TMEM272: variants seen among roughly 807,000 people sequenced by gnomAD.
TMEM272 encodes transmembrane protein 272.
In TMEM272, 8 loss-of-function variants were observed where a neutral mutation model predicts 3.7. The ratio of observed to expected loss-of-function variants is 2.17; its 90% CI spans 1.27 to 3.91. The LOEUF is 3.91. Ranked by LOEUF, TMEM272 falls within the 30% of genes most tolerant of loss-of-function variation. The pLI is 0.00. For missense variants in TMEM272, 166 were observed against 91.5 expected, an observed-to-expected ratio of 1.81 and a Z score of -3.32; for synonymous variants, 63 against 39.8, an observed-to-expected ratio of 1.58 and a Z score of -2.20.
At chr13:51,900,149 T>C in the TMEM272 span, among the ~76,000 whole-genome samples, 1 of 152,190 alleles carries the variant, frequency 6.6e-6, no homozygotes, top group Non-Finnish European at 1.5e-5. Context: ...TAAATCGGAC[T>C]TCTTCAAAAT....
chr13:51,886,822 C>T, the TMEM272 span, among the ~76,000 whole-genome samples: 6 of 152,256 alleles, frequency 3.9e-5, no homozygotes, highest in African/African-American at 1.4e-4. Flanking sequence ...CTAAACAATG[C>T]TGAGACCAAG....
chr13:51,880,488 T>C, the TMEM272 span, among the ~76,000 whole-genome samples: 1 of 16,624 alleles, frequency 6.0e-5, no homozygotes, highest in African/African-American at 1.9e-4. Flanking sequence ...TGATGAAACA[T>C]ACAGGGAATT....
the TMEM272 span, among the ~76,000 whole-genome samples, chr13:51,852,391 T>C: frequency 6.6e-6 from 1 of 152,180 alleles, no homozygotes; most frequent in Non-Finnish European, 1.5e-5. Flanking sequence ...GCACTGTGGA[T>C]ATAGCAGTGA....
At chr13:51,899,532 T>C in the TMEM272 span, among the ~76,000 whole-genome samples, 1 of 80,496 alleles carries the variant, frequency 1.2e-5, no homozygotes, top group Non-Finnish European at 2.8e-5. Context: ...ACATGCCATG[T>C]TCATGAATCA....
chr13:51,816,895 C>G lies in TMEM272; in HGVS notation c.420G>C (p.Gln140His). Residue 140 changes from glutamine to histidine, a missense_variant, in exon 5 of 5, where the codon CAG (glutamine) becomes CAC (histidine). By Grantham distance (24) the Gln-to-His change is conservative. Transcript: ENST00000629372. ...YLPDFLPPFQQPQDYCDKTLY... is the reference protein window; with the variant it reads ...YLPDFLPPFQHPQDYCDKTLY... ...GGGTTTTGTCACAGTAGTCCTGAGG[C>G]TGCTGGAAAGGGGGAAGAAAATCAG... is the stretch of plus-strand genomic sequence containing the variant. 1.4e-6 allele frequency: 1 copy of G among 702,966 alleles called. No individual in the cohort carries two copies. The highest frequency in any genetic ancestry group is 2.6e-6 in the Non-Finnish European group (1 of 384,990). The allele number at this position is 702,966 out of a possible 1,614,324, so 43.5% of individuals were successfully genotyped here.
chr13:51,890,165 C>T, the TMEM272 span, among the ~76,000 whole-genome samples: 1 of 152,052 alleles, frequency 6.6e-6, no homozygotes, highest in Non-Finnish European at 1.5e-5. Flanking sequence ...TACAGTTGTT[C>T]AATGGAAACA....
chr13:51,903,969 G>GTGTGTGTGTGTGTGTGTGTGTGTGTT, the TMEM272 span, among the ~76,000 whole-genome samples: 1 of 151,814 alleles, frequency 6.6e-6, no homozygotes, highest in Non-Finnish European at 1.5e-5. Flanking sequence ...GTGTGTGTGT[G>GTGTGTGTGTGTGTGTGTGTGTGTGTT]TGTTTAGAAA....
chr13:51,874,812 T>C, the TMEM272 span, among the ~76,000 whole-genome samples: 1 of 152,166 alleles, frequency 6.6e-6, no homozygotes, highest in Non-Finnish European at 1.5e-5. Context: ...AAGCGCTGGT[T>C]TTGCTCGTGT....
chr13:51,890,005 G>A, the TMEM272 span, among the ~76,000 whole-genome samples: 1 of 152,088 alleles, frequency 6.6e-6, no homozygotes. Flanking sequence ...GTGCATGGAG[G>A]GGCTTCCCAG....
At chr13:51,821,689 C>A (rs7400030) in intron 4 of TMEM272, among the ~76,000 whole-genome samples, 47 of 131,138 alleles carry the variant, frequency 3.6e-4, no homozygotes, top group South Asian at 4.8e-4. Context: ...AAAAAAAAAG[C>A]AAAAAAAAAA....
chr13:51,866,961 A>G, the TMEM272 span, among the ~76,000 whole-genome samples: 1 of 152,228 alleles, frequency 6.6e-6, no homozygotes, highest in South Asian at 2.1e-4. Flanking sequence ...ATGAATGTAC[A>G]TGAATGTGGT....
At chr13:51,888,234 C>T in the TMEM272 span, among the ~76,000 whole-genome samples, 6 of 152,008 alleles carry the variant, frequency 3.9e-5, no homozygotes, top group African/African-American at 9.7e-5. Context: ...TTAGTAGTGA[C>T]GGTGTTTCAC....
chr13:51,911,115 T>C, the TMEM272 span, among the ~76,000 whole-genome samples: 1 of 152,214 alleles, frequency 6.6e-6, no homozygotes, highest in Admixed American at 6.5e-5. Flanking sequence ...CTTTGGTGTT[T>C]CAGTATCTGT....
At chr13:51,863,113 G>A in the TMEM272 span, among the ~76,000 whole-genome samples, 1 of 152,264 alleles carries the variant, frequency 6.6e-6, no homozygotes, top group Non-Finnish European at 1.5e-5. Context: ...GGGGCTCTCA[G>A]TAGAGGATGC....
At chr13:51,929,193 C>T in the TMEM272 span, among the ~76,000 whole-genome samples, 1 of 150,916 alleles carries the variant, frequency 6.6e-6, no homozygotes, top group African/African-American at 2.4e-5. Context: ...GAGACTCCAT[C>T]TCAAAAAAAA....
the TMEM272 span, chr13:51,933,158 G>A: frequency 6.6e-6 from 1 of 152,200 alleles, no homozygotes; most frequent in Non-Finnish European, 1.5e-5. Flanking sequence ...TGTTCTTCCA[G>A]GAGGCAAGGA....
At chr13:51,909,736 T>A in the TMEM272 span, 1 of 1,552,098 alleles carries the variant, frequency 6.4e-7, no homozygotes, top group African/African-American at 1.4e-5. Flanking sequence ...AATTCACTGT[T>A]CATTTCTAAT....
the TMEM272 span, chr13:51,908,915 C>A: frequency 4.2e-4 from 590 of 1,395,020 alleles, no homozygotes; most frequent in East Asian, 5.2e-3. Context: ...CTCCTCTTTC[C>A]TTGGTAATCT....
At chr13:51,866,256 A>AT in the TMEM272 span, 2 of 580,588 alleles carry the variant, frequency 3.4e-6, no homozygotes, top group Non-Finnish European at 6.0e-6. Flanking sequence ...GGCTGGCTGC[A>AT]TTTTTTCCAG....
Sources: allele counts gnomAD v4.1 joint callset (sites outside exome capture counted in the v4.1 genomes callset), GRCh38; gene constraint gnomAD v4.1.1; transcripts MANE v1.5; gene names NCBI Gene and HGNC (gene_info 2026-07-23, HGNC 2026-07-21).